The following CEMIP2 variants were observed in gnomAD, a reference collection of about 807,000 sequenced individuals.
CEMIP2 encodes the protein cell surface hyaluronidase CEMIP2.
Under a neutral mutation model 146.9 loss-of-function variants are expected in CEMIP2, and 79 were observed. That is an observed-to-expected ratio of 0.54 (90% CI 0.45 to 0.65). CEMIP2 has a LOEUF of 0.65. CEMIP2 is among the 30% of genes least tolerant of loss of function. The pLI is 0.00. For synonymous variants in CEMIP2, 601 were observed against 606.3 expected (o/e 0.99, Z 0.13); for missense variants, 1,596 against 1,696.2 (o/e 0.94, Z 1.04).
intron 6 of CEMIP2, among the ~76,000 whole-genome samples, chr9:71,733,398 C>CA (rs999961289): frequency 7.3e-5 from 11 of 151,660 alleles, no homozygotes; most frequent in Admixed American, 2.0e-4. Flanking sequence ...TTGGAATTTC[C>CA]AAAAAAAATT....
rs1822017195 is a variant in CEMIP2 at position 71,685,204 on chromosome 9, G to A, written c.4145C>T (p.Ala1382Val). The A allele has an allele frequency of 6.2e-7, 1 of 1,607,372 alleles. No homozygotes were observed. Among genetic ancestry groups the A allele is most frequent in the Non-Finnish European group, 8.5e-7 (1 of 1,177,532 alleles). Reference protein sequence around the residue: ...DLELLKQASKAH With the variant: ...DLELLKQASKVH ...TTAAGTTACAGTTAGTCTCTAATGT[G>A]CTTTTGAAGCTTGCTTTAGCAGTTC... Residue 1382 changes from alanine to valine, a missense_variant, in exon 24 of 24, where the codon GCA becomes GTA. Transcript: ENST00000377044.
At chr9:71,738,382 G>A (rs1823819475) in intron 5 of CEMIP2, among the ~76,000 whole-genome samples, 1 of 152,146 alleles carries the variant, frequency 6.6e-6, no homozygotes, top group Admixed American at 6.6e-5. Flanking sequence ...AGGCGTGGTG[G>A]CACGCACCTG....
At chr9:71,744,983 A>C in intron 4 of CEMIP2, 35 bp downstream of exon 4, 8 of 1,584,630 alleles carry the variant, frequency 5.0e-6, no homozygotes, top group Non-Finnish European at 6.9e-6. Flanking sequence ...ACAGACACGG[A>C]CTCTGATAGG....
At chr9:71,694,038 G>T (rs1178881081) in intron 21 of CEMIP2, among the ~76,000 whole-genome samples, 1 of 152,128 alleles carries the variant, frequency 6.6e-6, no homozygotes, top group Non-Finnish European at 1.5e-5. Context: ...CAATTTGCTG[G>T]TGCCTTGCCC....
chr9:71,740,350 A>G (rs1435088396), intron 4 of CEMIP2, 118 bp from the exon 5 acceptor site: 7 of 1,273,058 alleles, frequency 5.5e-6, no homozygotes, highest in Admixed American at 2.2e-5. Flanking sequence ...GTCAATCCCT[A>G]ATGTTTTTTC....
Position 71,696,404 on chromosome 9 carries a change from T to C in CEMIP2, c.3597+1581A>G, listed in dbSNP as rs1218879998. ...TTTCTCTGGTTGGTTGATTTTTGAT[T>C]TTACTTGTATGAGAGAGTAGAGGTG... is the stretch of plus-strand genomic sequence containing the variant. On this transcript the variant is annotated intron_variant, in intron 20 of 23. Transcript: ENST00000377044. 1.3e-4 allele frequency among the ~76,000 whole-genome samples: 20 copies of C among 151,898 alleles called. 1 individual carries two copies.
rs772138005 is a variant in CEMIP2 at position 71,750,049 on chromosome 9, G to A, written c.325C>T (p.Pro109Ser). 8 of 1,598,220 alleles carry A rather than the reference G, an allele frequency of 5.0e-6. No homozygotes were observed. The highest frequency in any genetic ancestry group is 6.8e-6 in the Non-Finnish European group (8 of 1,171,808). The change falls in exon 2 of 24, where the codon CCA (proline) becomes TCA (serine). Residue 109 changes from proline to serine, a missense_variant. By Grantham distance (74) the Pro-to-Ser change is moderately conservative. Coordinates refer to ENST00000377044, the MANE Select transcript of CEMIP2 (RefSeq NM_013390.3). ...TGCATATACACACACTTACCATCTGGAGCATATTTTGAGGATATTCCTAAA... is the reference window on the plus strand; with the variant it reads ...TGCATATACACACACTTACCATCTGAAGCATATTTTGAGGATATTCCTAAA... Reference protein sequence around the residue: ...IILGISSKYAPDENCPDQNPR... With the variant: ...IILGISSKYASDENCPDQNPR...
At chr9:71,749,551 C>A (rs941101217) in intron 2 of CEMIP2, among the ~76,000 whole-genome samples, 1 of 151,720 alleles carries the variant, frequency 6.6e-6, no homozygotes, top group African/African-American at 2.4e-5. Context: ...ACTAAAAATA[C>A]AAAAATTAGC....
chr9:71,710,669 C>CA (rs889756058), intron 16 of CEMIP2, among the ~76,000 whole-genome samples: 12 of 152,152 alleles, frequency 7.9e-5, no homozygotes, highest in African/African-American at 2.9e-4. Flanking sequence ...ATGCCTATGC[C>CA]AGTGATCACT....
intron 1 of CEMIP2, among the ~76,000 whole-genome samples, chr9:71,754,938 A>G (rs1824378789): frequency 6.6e-6 from 1 of 152,150 alleles, no homozygotes; most frequent in Non-Finnish European, 1.5e-5. Context: ...TAAGCATTCC[A>G]AAAAGTAGCT....
At chr9:71,741,037 TTAGAG>T (rs1823898903) in intron 4 of CEMIP2, among the ~76,000 whole-genome samples, 1 of 152,156 alleles carries the variant, frequency 6.6e-6, no homozygotes, top group Non-Finnish European at 1.5e-5. Context: ...AGACTAGAGG[TTAGAG>T]TAGTGATCAT....
chr9:71,761,469 T>C (rs1334628972), intron 1 of CEMIP2, among the ~76,000 whole-genome samples: 1 of 152,208 alleles, frequency 6.6e-6, no homozygotes, highest in Admixed American at 6.5e-5. Flanking sequence ...AAATGAATAA[T>C]GAGATGCCCA....
intron 5 of CEMIP2, among the ~76,000 whole-genome samples, chr9:71,737,406 TC>T (rs1452249184): frequency 7.1e-6 from 1 of 141,370 alleles, no homozygotes; most frequent in Non-Finnish European, 1.5e-5. Flanking sequence ...AGACTCCGTC[TC>T]AAAAAAAAAA....
chr9:71,741,333 G>T (rs1054283681), intron 4 of CEMIP2, among the ~76,000 whole-genome samples: 24 of 151,558 alleles, frequency 1.6e-4, no homozygotes, highest in South Asian at 2.1e-4. Flanking sequence ...GAGTAGCTGG[G>T]ATTATAGGCA....
intron 5 of CEMIP2, among the ~76,000 whole-genome samples, chr9:71,737,270 T>C (rs1823790073): frequency 6.6e-6 from 1 of 150,606 alleles, no homozygotes; most frequent in Admixed American, 6.6e-5. Context: ...CTGGCCAACA[T>C]GGTGAAACCC....
intron 12 of CEMIP2, among the ~76,000 whole-genome samples, chr9:71,718,340 A>G (rs2131928463): frequency 6.6e-6 from 1 of 152,288 alleles, no homozygotes; most frequent in African/African-American, 2.4e-5. Flanking sequence ...GCAGAATATT[A>G]TTGCATAAAA....
chr9:71,742,205 G>C (rs920691391), intron 4 of CEMIP2, among the ~76,000 whole-genome samples: 1 of 152,174 alleles, frequency 6.6e-6, no homozygotes, highest in Non-Finnish European at 1.5e-5. Context: ...AGCCGCCCCT[G>C]TATGGATTAG....
chr9:71,700,109 G>A (rs953513329), intron 19 of CEMIP2, among the ~76,000 whole-genome samples: 3 of 152,192 alleles, frequency 2.0e-5, no homozygotes, highest in African/African-American at 7.2e-5. Flanking sequence ...CACAGGCTGA[G>A]AGACTGTAAC....
chr9:71,740,564 A>G (rs1170297349), intron 4 of CEMIP2, among the ~76,000 whole-genome samples: 2 of 152,180 alleles, frequency 1.3e-5, no homozygotes, highest in African/African-American at 4.8e-5. Context: ...TTTCTCTTAA[A>G]ATGATTATCA....
Sources: gnomAD v4.1 joint callset for allele counts (sites outside exome capture counted in the v4.1 genomes callset) on GRCh38, gnomAD v4.1.1 for gene constraint, MANE v1.5 for transcripts, NCBI Gene and HGNC (gene_info 2026-07-23, HGNC 2026-07-21) for gene names.